The following SNX19 variants were observed in gnomAD, a reference collection of about 807,000 sequenced individuals.
SNX19 encodes sorting nexin-19.
A neutral mutation model predicts 85.2 loss-of-function variants in SNX19; 60 were observed. The observed-to-expected ratio is 0.70, with a 90% CI of 0.57 to 0.87. The LOEUF (loss-of-function observed/expected upper bound fraction) is 0.87, where lower values mean the gene tolerates loss of function less well. SNX19 is among the 40% of genes least tolerant of loss of function. The pLI, the probability that SNX19 is intolerant of heterozygous loss-of-function variation, is 0.00. For synonymous variants in SNX19, 520 were observed against 470.0 expected, an observed-to-expected ratio of 1.11 and a Z score of -1.38; for missense variants, 1,201 against 1,217.8, an observed-to-expected ratio of 0.99 and a Z score of 0.21.
chr11:130,879,531 G>C, intron 10 of SNX19, 93 bp downstream of exon 10: 1 of 1,073,884 alleles, frequency 9.3e-7, no homozygotes, highest in African/African-American at 1.6e-5. Flanking sequence ...CTATTCTTTG[G>C]AATGTGGGCT....
chr11:130,911,657 G>T lies in SNX19; in HGVS notation c.1789C>A (p.Pro597Thr). ...CTTTTGATGAACTTTCGTAGATCTG[G>T]TTTCTCCTCCAGACGGGTCTGCAGA... ...LNLQTRLEEK[P>T]DLRKFIKNVK... is the part of the protein sequence containing the mutation. Residue 597 changes from proline to threonine, a missense_variant, in exon 2 of 11, where the codon CCA becomes ACA. Transcript: ENST00000265909. 1 of 1,614,180 alleles carries T rather than the reference G, an allele frequency of 6.2e-7. No individual in the cohort carries two copies. Among genetic ancestry groups the T allele is most frequent in the East Asian group, 2.2e-5 (1 of 44,876 alleles).
chr11:130,894,785 G>A (rs959429459), intron 8 of SNX19: 1 of 985,302 alleles, frequency 1.0e-6, no homozygotes, highest in African/African-American at 1.7e-5. Flanking sequence ...ATGTCTTAGT[G>A]TCTAGAATAT....
chr11:130,874,497 G>GAAGA lies in SNX19; in HGVS notation c.*3921_*3924dup, dbSNP rs1217988440. Among the ~76,000 whole-genome samples the GAAGA allele has an allele frequency of 2.0e-5, 3 of 152,218 alleles. No individual in the cohort carries two copies. The highest frequency in any genetic ancestry group is 7.2e-5 in the African/African-American group (3 of 41,464). ...CAGCTGACCTAATTAGAATGGCAAG[G>GAAGA]AAGAAAGATGGAAAGAATTCAGGCC... On this transcript the variant is annotated 3_prime_UTR_variant, in exon 11 of 11. Transcript: ENST00000265909.
chr11:130,903,708 T>TACAC (rs1364365409), intron 7 of SNX19, among the ~76,000 whole-genome samples: 8 of 119,698 alleles, frequency 6.7e-5, no homozygotes, highest in East Asian at 4.7e-4. Context: ...TATATATATA[T>TACAC]ATACACATAC....
At position 130,867,656 on chromosome 11, in the gene SNX19, G is replaced by A. The variant is rs1942824669; in HGVS notation, c.*10766C>T. 2 of 152,182 alleles carry A rather than the reference G, an allele frequency of 1.3e-5. No individual in the cohort carries two copies. The highest frequency in any genetic ancestry group is 4.8e-5 in the African/African-American group (2 of 41,452). 9.4% of individuals were successfully genotyped at this position (152,182 alleles called of 1,614,324 possible). ...CTTCCTTAAATTGAGACCCAAATGA[G>A]GTGGAAGAAAATCTCTACTGAGATG... On this transcript the variant is annotated 3_prime_UTR_variant, in exon 11 of 11. Transcript: ENST00000265909.
intron 1 of SNX19, among the ~76,000 whole-genome samples, chr11:130,912,867 C>T (rs968679726): frequency 2.0e-5 from 3 of 152,164 alleles, no homozygotes; most frequent in Admixed American, 6.5e-5. Flanking sequence ...TTACTTCCAT[C>T]ACATAAACCG....
At position 130,915,807 on chromosome 11, in the gene SNX19, G is replaced by C. The variant is rs772159960; in HGVS notation, c.133C>G (p.Leu45Val). The change falls in exon 1 of 11, where the codon CTG becomes GTG. Residue 45 changes from leucine (L) to valine (V), a missense_variant. By Grantham distance (32) the Leu-to-Val change is conservative (BLOSUM62 1). Transcript: ENST00000265909. ...LLGWLLVIHL[L>V]VNVWLLCLLS... ...AGGCACAGCAGCCACACGTTGACCA[G>C]AAGGTGTATGACCAGGAGCCAGCCA... 23 of 1,614,094 alleles carry C rather than the reference G, an allele frequency of 1.4e-5. No individual in the cohort carries two copies. Among genetic ancestry groups the C allele is most frequent in the East Asian group, 2.2e-5 (1 of 44,880 alleles).
Position 130,872,789 on chromosome 11 carries a change from A to C in SNX19, c.*5633T>G, listed in dbSNP as rs1399634093. 2.0e-5 allele frequency among the ~76,000 whole-genome samples: 3 copies of C among 152,032 alleles called. No individual in the cohort carries two copies. Among genetic ancestry groups the C allele is most frequent in the Non-Finnish European group, 4.4e-5 (3 of 67,996 alleles). On this transcript the variant is annotated 3_prime_UTR_variant, in exon 11 of 11. Coordinates refer to ENST00000265909, the MANE Select transcript of SNX19 (RefSeq NM_014758.3). ...TCATGGTTTCCCTTCCTCCCCAGTT[A>C]CCATTCTTTCCCTGGTTCCCATCCC... is the stretch of plus-strand genomic sequence containing the variant.
At chr11:130,890,631 A>G (rs1177447544) in intron 8 of SNX19, among the ~76,000 whole-genome samples, 1 of 152,038 alleles carries the variant, frequency 6.6e-6, no homozygotes, top group Non-Finnish European at 1.5e-5. Context: ...GAGTACCACA[A>G]ATACACTATA....
At chr11:130,905,896 C>T in intron 7 of SNX19, 57 bp downstream of exon 7, 1 of 1,613,718 alleles carries the variant, frequency 6.2e-7, no homozygotes. Context: ...ACCCCAAGTA[C>T]CAAGTGGATG....
intron 1 of SNX19, among the ~76,000 whole-genome samples, chr11:130,913,353 C>T (rs2135421891): frequency 6.6e-6 from 1 of 152,320 alleles, no homozygotes; most frequent in African/African-American, 2.4e-5. Flanking sequence ...TGTACTTCTA[C>T]AATTTGCCTA....
chr11:130,906,699 T>C lies in SNX19; in HGVS notation c.2188A>G (p.Ser730Gly), dbSNP rs1945699915. 7 of 1,612,514 alleles carry C rather than the reference T, an allele frequency of 4.3e-6. No homozygotes were observed. The South Asian group carries it at 6.6e-5, about 15-fold the overall frequency. ...ASKSRLRFSS[S>G]KISPALSVTE... ...ACACTTAGTGCTGGAGAAATTTTAC[T>C]GGATGAGAACCTCAGCCTAGACCTG... is the stretch of plus-strand genomic sequence containing the variant. The change falls in exon 6 of 11, where the codon AGT (serine) becomes GGT (glycine). Residue 730 changes from serine to glycine, a missense_variant. By Grantham distance (56) the Ser-to-Gly change is moderately conservative. Around this residue, in one of 3 missense-constraint regions of SNX19, gnomAD observed 125 missense variants for 171.6 expected, o/e 0.73. Transcript: ENST00000265909.
intron 9 of SNX19, among the ~76,000 whole-genome samples, chr11:130,880,342 A>G (rs1943565744): frequency 1.3e-5 from 2 of 151,598 alleles, no homozygotes; most frequent in Non-Finnish European, 3.0e-5. Flanking sequence ...GCAGGTAGAG[A>G]GAAAGTTATT....
chr11:130,895,050 G>A, intron 8 of SNX19: 6 of 985,372 alleles, frequency 6.1e-6, no homozygotes, highest in Non-Finnish European at 6.0e-6. Context: ...CTTTCCATGT[G>A]GAAGGAAAGA....
At position 130,880,692 on chromosome 11, in the gene SNX19, G is replaced by A. The variant is rs1436631667; in HGVS notation, c.2688C>T (p.Pro896=). The change falls in exon 9 of 11, where the codon CCC becomes CCT. Residue 896 remains proline, a synonymous_variant. Coordinates refer to ENST00000265909, the MANE Select transcript of SNX19 (RefSeq NM_014758.3). ...CCAGTTTCTGCTCTTGGGTCCTTAC[G>A]GGCCGTGGAAACTTAGGCAAAACTC... The part of the protein sequence containing the change: ...PGGVLPKFPR[P]VRTQEQKLAA... 5.6e-6 allele frequency: 9 copies of A among 1,612,450 alleles called. No individual in the cohort carries two copies. Among genetic ancestry groups the A allele is most frequent in the Non-Finnish European group, 7.6e-6 (9 of 1,178,848 alleles).
At chr11:130,907,262 G>A (rs921182790) in intron 5 of SNX19, among the ~76,000 whole-genome samples, 2 of 152,200 alleles carry the variant, frequency 1.3e-5, no homozygotes, top group Non-Finnish European at 2.9e-5. Flanking sequence ...TATGGGCCCA[G>A]TTAAGAAAAG....
chr11:130,890,890 C>CTTTTTTTTT (rs10678203), intron 8 of SNX19, among the ~76,000 whole-genome samples: 1 of 143,036 alleles, frequency 7.0e-6, no homozygotes, highest in Non-Finnish European at 1.5e-5. Context: ...GGATTTGGGT[C>CTTTTTTTTT]TTTTTTTTTT....
rs1252327207 is a variant in SNX19, at chr11:130,866,782, C to G, written c.*11640G>C. 1 of 152,190 alleles carries G rather than the reference C, an allele frequency of 6.6e-6. No homozygotes were observed. Among genetic ancestry groups the G allele is most frequent in the African/African-American group, 2.4e-5 (1 of 41,436 alleles). The allele number at this position is 152,190 out of a possible 1,614,324, so 9.4% of individuals were successfully genotyped here. A position where few individuals can be genotyped will look rare whatever the true frequency, so the allele number is the denominator to read the frequency against. On this transcript the variant is annotated 3_prime_UTR_variant, in exon 11 of 11. Transcript: ENST00000265909. The stretch of plus-strand genomic sequence containing the variant: ...AAACACTGAAGGCTTTAGGTTCATA[C>G]CTGTATACGAAGGATAGTCCTGGTG...
In SNX19 at chr11:130,869,917, AAAAG is replaced by A. The variant is rs986107738; in HGVS notation, c.*8501_*8504del. 2.0e-5 allele frequency: 3 copies of A among 150,812 alleles called. No homozygotes were observed. Among genetic ancestry groups the A allele is most frequent in the Non-Finnish European group, 4.4e-5 (3 of 67,956 alleles). 9.3% of individuals were successfully genotyped at this position (150,812 alleles called of 1,614,324 possible). ...ACTGATGAGCTGATATAGAAAAAAA[AAAAG>A]GAATAAAGAAAAAGCAATTGTGAAG... is the stretch of plus-strand genomic sequence containing the variant. On this transcript the variant is annotated 3_prime_UTR_variant, in exon 11 of 11. Coordinates refer to ENST00000265909, the MANE Select transcript of SNX19 (RefSeq NM_014758.3).
Sources: allele counts gnomAD v4.1 joint callset (sites outside exome capture counted in the v4.1 genomes callset), GRCh38; gene constraint gnomAD v4.1.1; regional missense constraint gnomAD v4.1.1; transcripts MANE v1.5; gene names NCBI Gene and HGNC (gene_info 2026-07-23, HGNC 2026-07-21).